The following PIK3C3 variants were observed in gnomAD, a reference collection of about 807,000 sequenced individuals.
The protein encoded by PIK3C3 is phosphatidylinositol 3-kinase catalytic subunit type 3.
PIK3C3 carries 95 observed loss-of-function variants against 126.1 expected under a neutral mutation model. That is an observed-to-expected ratio of 0.75 (90% CI 0.64 to 0.89). The LOEUF is 0.89. Among genes scored for constraint, PIK3C3 ranks in the 40% least tolerant of loss-of-function variants. The probability of loss-of-function intolerance (pLI) is 0.00; values close to 1 mark genes in which losing one functional copy is unlikely to be tolerated. For missense variants in PIK3C3, 829 were observed against 1,063.2 expected, an observed-to-expected ratio of 0.78 and a Z score of 3.06; for synonymous variants, 374 against 360.0, an observed-to-expected ratio of 1.04 and a Z score of -0.44.
At chr18:42,012,054 A>G (rs899048790) in intron 10 of PIK3C3, among the ~76,000 whole-genome samples, 2 of 152,194 alleles carry the variant, frequency 1.3e-5, no homozygotes, top group Non-Finnish European at 2.9e-5. Context: ...ATAAAATAAT[A>G]ATGAAAAAGT....
At chr18:42,061,842 T>C (rs1985327849) in intron 22 of PIK3C3, among the ~76,000 whole-genome samples, 1 of 152,110 alleles carries the variant, frequency 6.6e-6, no homozygotes, top group Non-Finnish European at 1.5e-5. Flanking sequence ...AATCAGGAGG[T>C]AATCCAGAAA....
chr18:41,988,590 A>G (rs1478501533), intron 5 of PIK3C3, among the ~76,000 whole-genome samples: 2 of 152,196 alleles, frequency 1.3e-5, no homozygotes, highest in Non-Finnish European at 2.9e-5. Flanking sequence ...TATAATGACC[A>G]TAAGGCACAA....
intron 10 of PIK3C3, among the ~76,000 whole-genome samples, chr18:42,007,437 A>G (rs1441931278): frequency 6.6e-6 from 1 of 152,114 alleles, no homozygotes; most frequent in African/African-American, 2.4e-5. Context: ...ACTGCACCAG[A>G]ATCTTAAGTG....
intron 3 of PIK3C3, among the ~76,000 whole-genome samples, chr18:41,962,965 T>A (rs1980172092): frequency 6.6e-6 from 1 of 152,192 alleles, no homozygotes; most frequent in African/African-American, 2.4e-5. Context: ...CTGCTTTTTT[T>A]ATAATATTGA....
At position 42,086,366 on chromosome 18, in the gene PIK3C3, A is replaced by G. The variant is rs544604397; in HGVS notation, c.*5229A>G. Reference sequence around the variant, plus strand: ...AAACCTCAGAACTCCTTGGGCCATCACTGTCAGAGACATTTGAACTAGAGC... The same window carrying G: ...AAACCTCAGAACTCCTTGGGCCATCGCTGTCAGAGACATTTGAACTAGAGC... On this transcript the variant is annotated 3_prime_UTR_variant, in exon 25 of 25. Transcript: ENST00000262039. 1.3e-5 allele frequency: 2 copies of G among 152,370 alleles called. No homozygotes were observed. The highest frequency in any genetic ancestry group is 4.8e-5 in the African/African-American group (2 of 41,538). 9.4% of individuals were successfully genotyped at this position (152,370 alleles called of 1,614,324 possible). A position where few individuals can be genotyped will look rare whatever the true frequency, so the allele number is the denominator to read the frequency against.
At chr18:42,038,092 T>C (rs993738413) in intron 17 of PIK3C3, among the ~76,000 whole-genome samples, 2 of 152,174 alleles carry the variant, frequency 1.3e-5, no homozygotes, top group South Asian at 4.1e-4. Flanking sequence ...GTTTCCTTCC[T>C]CTTAGTCTAT....
intron 21 of PIK3C3, among the ~76,000 whole-genome samples, chr18:42,052,101 A>G (rs1180773607): frequency 6.6e-6 from 1 of 152,080 alleles, no homozygotes; most frequent in African/African-American, 2.4e-5. Context: ...TTGATAAACA[A>G]TCAGACAGTG....
At chr18:42,041,971 G>C (rs1984342632) in intron 19 of PIK3C3, among the ~76,000 whole-genome samples, 1 of 152,184 alleles carries the variant, frequency 6.6e-6, no homozygotes, top group Non-Finnish European at 1.5e-5. Flanking sequence ...TCTTTGGAAA[G>C]GCCTGCTTGC....
intron 4 of PIK3C3, among the ~76,000 whole-genome samples, chr18:41,983,236 T>A (rs1310937696): frequency 6.6e-6 from 1 of 152,174 alleles, no homozygotes; most frequent in Admixed American, 6.6e-5. Flanking sequence ...TGTTCAACAT[T>A]CTATGCTCAT....
intron 16 of PIK3C3, among the ~76,000 whole-genome samples, chr18:42,035,833 G>A (rs934410207): frequency 2.6e-5 from 4 of 152,116 alleles, no homozygotes; most frequent in Non-Finnish European, 4.4e-5. Flanking sequence ...AAAGGCTAGG[G>A]ACCCTTATTT....
chr18:42,078,475 A>C (rs693020), intron 24 of PIK3C3, among the ~76,000 whole-genome samples: 75,186 of 151,264 alleles, frequency 0.5, 20,367 homozygotes, highest in African/African-American at 0.72. Context: ...TTGTAGATCA[A>C]AGGCAGAGTA....
chr18:41,970,534 T>C, intron 4 of PIK3C3, 78 bp downstream of exon 4: 1 of 1,251,020 alleles, frequency 8.0e-7, no homozygotes, highest in Non-Finnish European at 1.2e-6. Context: ...CATTATGAAC[T>C]CTGTCAGATT....
chr18:42,048,270 C>T lies in PIK3C3; in HGVS notation c.2189-1261C>T, dbSNP rs570466380. Among the ~76,000 whole-genome samples, 5 of 152,276 alleles carry T rather than the reference C, an allele frequency of 3.3e-5. No individual in the cohort carries two copies. The South Asian group carries it at 1.0e-3, about 32-fold the overall frequency. The stretch of plus-strand genomic sequence containing the variant: ...AGGTGATTAGGACCAGGTGAAGGCT[C>T]TGTGTTTCTCTGTGATTCTCTTGCC... On this transcript the variant is annotated intron_variant, in intron 20 of 24. Transcript: ENST00000262039.
At chr18:41,983,205 G>T (rs1257755587) in intron 4 of PIK3C3, among the ~76,000 whole-genome samples, 1 of 152,062 alleles carries the variant, frequency 6.6e-6, no homozygotes, top group African/African-American at 2.4e-5. Flanking sequence ...TGTTCTGTTA[G>T]GGCAGAGAAC....
chr18:42,045,557 A>C lies in PIK3C3; in HGVS notation c.2188+1740A>C, dbSNP rs1984524726. Among the ~76,000 whole-genome samples the C allele has an allele frequency of 1.3e-5, 2 of 152,216 alleles. 1 individual carries two copies. The highest frequency in any genetic ancestry group is 1.3e-4 in the Admixed American group (2 of 15,286). ...CTTGGGCCTCTTAGAGCTGGGTTCC[A>C]AGAGCAAATATTCAGACAGACAGGA... On this transcript the variant is annotated intron_variant, in intron 20 of 24. Coordinates refer to ENST00000262039, the MANE Select transcript of PIK3C3 (RefSeq NM_002647.4).
At chr18:41,961,483 G>A (rs1447905490) in intron 2 of PIK3C3, among the ~76,000 whole-genome samples, 1 of 152,086 alleles carries the variant, frequency 6.6e-6, no homozygotes, top group Non-Finnish European at 1.5e-5. Flanking sequence ...CCTTTTTCTT[G>A]AAATTGATAG....
intron 21 of PIK3C3, chr18:42,052,878 C>T (rs1984865981): frequency 6.6e-6 from 1 of 152,208 alleles, no homozygotes; most frequent in Admixed American, 6.5e-5. Flanking sequence ...ACTGTCCAAT[C>T]TTTCAATGGC....
intron 10 of PIK3C3, among the ~76,000 whole-genome samples, chr18:42,005,701 GA>G (rs1411996993): frequency 6.6e-6 from 1 of 152,130 alleles, no homozygotes; most frequent in African/African-American, 2.4e-5. Flanking sequence ...AGAGGGAGGG[GA>G]CAGTGAGATC....
chr18:41,958,434 T>C (rs1257807227), intron 2 of PIK3C3, among the ~76,000 whole-genome samples: 1 of 152,106 alleles, frequency 6.6e-6, no homozygotes, highest in African/African-American at 2.4e-5. Context: ...GCTGTATGCT[T>C]TTAAGGAAGG....
Sources: allele counts gnomAD v4.1 joint callset (sites outside exome capture counted in the v4.1 genomes callset), GRCh38; gene constraint gnomAD v4.1.1; transcripts MANE v1.5; gene names NCBI Gene and HGNC (gene_info 2026-07-23, HGNC 2026-07-21).